Variants in FHDC1 observed in about 807,000 individuals in gnomAD.
The protein encoded by FHDC1 is FH2 domain-containing protein 1.
In FHDC1, 25 loss-of-function variants were observed where a neutral mutation model predicts 52.6. The observed-to-expected ratio is 0.48, with a 90% CI of 0.35 to 0.66. The LOEUF (loss-of-function observed/expected upper bound fraction) is 0.66. Ranked by LOEUF, FHDC1 falls within the 30% of genes least tolerant of loss-of-function variation. The probability of loss-of-function intolerance (pLI) is 0.01; values close to 1 mark genes in which losing one functional copy is unlikely to be tolerated. For missense variants in FHDC1, 1,459 were observed against 1,452.8 expected (o/e 1.00, Z -0.07); for synonymous variants, 616 against 581.5 (o/e 1.06, Z -0.85).
chr4:152,916,681 C>T, the FHDC1 span, among the ~76,000 whole-genome samples: 11 of 151,840 alleles, frequency 7.2e-5, no homozygotes, highest in Non-Finnish European at 1.3e-4. Flanking sequence ...TAGAGAGTGA[C>T]ACCACTTGCT....
chr4:152,927,939 A>G, the FHDC1 span: 1 of 1,456,072 alleles, frequency 6.9e-7, no homozygotes, highest in Non-Finnish European at 9.6e-7. Flanking sequence ...TCAGAGAGTG[A>G]CAACAGTGTG....
intron 2 of FHDC1, among the ~76,000 whole-genome samples, chr4:152,949,161 A>C (rs1006596084): frequency 4.2e-5 from 6 of 143,936 alleles, no homozygotes; most frequent in African/African-American, 1.3e-4. Flanking sequence ...GAAGAAGAAG[A>C]AGAAGAAGAA....
chr4:152,919,949 T>C, the FHDC1 span, among the ~76,000 whole-genome samples: 8 of 100,604 alleles, frequency 8.0e-5, 1 homozygote, highest in East Asian at 1.5e-3. Context: ...AAGTTCTTTT[T>C]TTTTTTTTTT....
intron 10 of FHDC1, among the ~76,000 whole-genome samples, chr4:152,968,301 T>C (rs950135254): frequency 2.6e-5 from 4 of 152,036 alleles, no homozygotes; most frequent in African/African-American, 7.2e-5. Context: ...ATATTTTTTT[T>C]TTTTGTCTCT....
At chr4:152,958,867 G>A (rs1221522651) in intron 4 of FHDC1, among the ~76,000 whole-genome samples, 1 of 152,162 alleles carries the variant, frequency 6.6e-6, no homozygotes, top group African/African-American at 2.4e-5. Flanking sequence ...GGCTCTACCA[G>A]TAAGGGAAAT....
chr4:152,946,044 G>A (rs951509329), intron 2 of FHDC1, among the ~76,000 whole-genome samples: 9 of 152,182 alleles, frequency 5.9e-5, no homozygotes, highest in African/African-American at 2.2e-4. Flanking sequence ...AGGTTCATCC[G>A]TGTTGTAGCA....
At chr4:152,973,775 G>A (rs568183206) in intron 11 of FHDC1, among the ~76,000 whole-genome samples, 2 of 152,370 alleles carry the variant, frequency 1.3e-5, no homozygotes, top group Admixed American at 1.3e-4. Context: ...TAACACATTT[G>A]GGCTGTGAGA....
At chr4:152,918,346 C>T in the FHDC1 span, 1 of 152,242 alleles carries the variant, frequency 6.6e-6, no homozygotes, top group Admixed American at 6.5e-5. Flanking sequence ...CTAACTTCAA[C>T]AATTTCATTT....
At position 152,976,270 on chromosome 4, in the gene FHDC1, C is replaced by T. The variant is rs1322400268; in HGVS notation, c.2979C>T (p.Pro993=). The T allele has an allele frequency of 6.2e-7, 1 of 1,613,434 alleles. No homozygotes were observed. The highest frequency in any genetic ancestry group is 1.7e-5 in the Admixed American group (1 of 60,020). ...KPSAKPLRNL[P]RQKPEENKTC... ...GTGCCAAACCACTCAGGAACCTCCC[C>T]AGACAGAAGCCTGAGGAAAATAAGA... The change falls in exon 12 of 12, where the codon CCC becomes CCT. Residue 993 remains proline, a synonymous_variant. Transcript: ENST00000511601.
rs558402484 is a variant in FHDC1, at chr4:152,974,695, G to A, written c.1404G>A (p.Ala468=). 18 of 1,510,610 alleles carry A rather than the reference G, an allele frequency of 1.2e-5. No homozygotes were observed. The highest frequency in any genetic ancestry group is 9.1e-5 in the Admixed American group (4 of 44,138). 93.6% of individuals were successfully genotyped at this position (1,510,610 alleles called of 1,614,324 possible). A position where few individuals can be genotyped will look rare whatever the true frequency, so the allele number is the denominator to read the frequency against. ...KAVKDNHDRE[A]QELRQLQRLK... is the part of the protein sequence containing the mutation. ...CTCAGGACAACCACGACCGGGAGGCGCAGGAGCTGAGGCAGCTGCAGAGGC... is the reference window on the plus strand; with the variant it reads ...CTCAGGACAACCACGACCGGGAGGCACAGGAGCTGAGGCAGCTGCAGAGGC... The change falls in exon 12 of 12, where the codon GCG becomes GCA. Residue 468 remains alanine, a synonymous_variant. Coordinates refer to ENST00000511601, the MANE Select transcript of FHDC1 (RefSeq NM_001371116.1).
chr4:152,965,624 C>T (rs1006356126), intron 9 of FHDC1, among the ~76,000 whole-genome samples: 67 of 152,176 alleles, frequency 4.4e-4, no homozygotes, highest in Non-Finnish European at 2.1e-4. Context: ...ACACATCCCA[C>T]GGTAAATGTT....
At chr4:152,962,939 A>AGG (rs1414392533) in intron 7 of FHDC1, 55 bp downstream of exon 7, 236 of 1,077,506 alleles carry the variant, frequency 2.2e-4, no homozygotes, top group East Asian at 1.0e-3. Flanking sequence ...GTCTATCTAA[A>AGG]GGTGTGTGTG....
At chr4:152,941,718 A>C (rs1160778383) in intron 1 of FHDC1, among the ~76,000 whole-genome samples, 1 of 152,210 alleles carries the variant, frequency 6.6e-6, no homozygotes, top group Non-Finnish European at 1.5e-5. Flanking sequence ...GTGAGATCAG[A>C]TTGTTTACTT....
chr4:152,976,825 C>T lies in FHDC1; in HGVS notation c.*102C>T. 7.2e-7 allele frequency: 1 copy of T among 1,388,746 alleles called. No individual in the cohort carries two copies. The highest frequency in any genetic ancestry group is 9.5e-7 in the Non-Finnish European group (1 of 1,053,822). The allele number at this position is 1,388,746 out of a possible 1,614,324, so 86.0% of individuals were successfully genotyped here. A position where few individuals can be genotyped will look rare whatever the true frequency, so the allele number is the denominator to read the frequency against. ...CAGCATGTCTTTGTTACAGATAAAG[C>T]AGCCACTGGTGCCACTGCTAGTGAC... is the stretch of plus-strand genomic sequence containing the variant. On this transcript the variant is annotated 3_prime_UTR_variant, in exon 12 of 12. Transcript: ENST00000511601.
chr4:152,972,575 T>C (rs1302504127), intron 11 of FHDC1, 34 bp downstream of exon 11: 1 of 1,574,172 alleles, frequency 6.4e-7, no homozygotes, highest in South Asian at 1.2e-5. Flanking sequence ...TTGGGGTTGT[T>C]TGGATTTTTA....
At position 152,953,525 on chromosome 4, in the gene FHDC1, C is replaced by A; in HGVS notation, c.525C>A (p.Ser175Arg). The A allele has an allele frequency of 6.2e-7, 1 of 1,612,468 alleles. No individual in the cohort carries two copies. The change falls in exon 3 of 12, where the codon AGC (serine) becomes AGA (arginine). Residue 175 changes from serine (S) to arginine (R), a missense_variant. By Grantham distance (110) the Ser-to-Arg change is moderately radical (BLOSUM62 -1). Coordinates refer to ENST00000511601, the MANE Select transcript of FHDC1 (RefSeq NM_001371116.1). ...EEITILDAKR[S>R]MNIGIFLKQF... Reference sequence around the variant, plus strand: ...TTACTATTTTGGATGCAAAACGGAGCATGAACATTGGGATATTTCTTAAGC... The same window carrying A: ...TTACTATTTTGGATGCAAAACGGAGAATGAACATTGGGATATTTCTTAAGC...
At chr4:152,939,288 G>C (rs769997792) in intron 1 of FHDC1, among the ~76,000 whole-genome samples, 1 of 151,972 alleles carries the variant, frequency 6.6e-6, no homozygotes, top group South Asian at 2.1e-4. Context: ...GTGTGTGTTT[G>C]AGTGTGTGTT....
chr4:152,957,575 C>T (rs932218282), intron 4 of FHDC1, among the ~76,000 whole-genome samples: 5 of 152,210 alleles, frequency 3.3e-5, no homozygotes, highest in African/African-American at 1.2e-4. Flanking sequence ...TGTCAAAACC[C>T]CGCCTCGCGC....
At chr4:152,935,828 C>CGG (rs1435624145), upstream of FHDC1, among the ~76,000 whole-genome samples, 1 of 106,510 alleles carries the variant, frequency 9.4e-6, no homozygotes, top group Non-Finnish European at 2.4e-5. Flanking sequence ...GGGGCGTGTG[C>CGG]GGGTGTGTGT....
Sources: allele counts gnomAD v4.1 joint callset (sites outside exome capture counted in the v4.1 genomes callset), GRCh38; gene constraint gnomAD v4.1.1; transcripts MANE v1.5; gene names NCBI Gene and HGNC (gene_info 2026-07-23, HGNC 2026-07-21).